The following WWC1 variants were observed in gnomAD, a reference collection of about 807,000 sequenced individuals.
WWC1 encodes WW and C2 domain containing 1.
Under a neutral mutation model 138.4 loss-of-function variants are expected in WWC1, and 55 were observed. That is an observed-to-expected ratio of 0.40 (90% CI 0.32 to 0.50). The LOEUF (loss-of-function observed/expected upper bound fraction) is 0.50, where lower values mean the gene tolerates loss of function less well. Among genes scored for constraint, WWC1 ranks in the 20% least tolerant of loss-of-function variants. The probability of loss-of-function intolerance (pLI) is 0.72; values close to 1 mark genes in which losing one functional copy is unlikely to be tolerated. For synonymous variants in WWC1, 524 were observed against 564.9 expected (o/e 0.93, Z 1.03); for missense variants, 1,226 against 1,420.4 (o/e 0.86, Z 2.20).
intron 5 of WWC1, among the ~76,000 whole-genome samples, chr5:168,404,590 C>T (rs1346624442): frequency 6.6e-6 from 1 of 152,166 alleles, no homozygotes; most frequent in African/African-American, 2.4e-5. Context: ...CTCAGGATTC[C>T]CCATGAGGGT....
chr5:168,414,696 C>T, intron 9 of WWC1, 106 bp downstream of exon 9: 1 of 1,413,336 alleles, frequency 7.1e-7, no homozygotes, highest in Non-Finnish European at 9.3e-7. Context: ...CTGGGCTCCA[C>T]CCTGAGCACG....
intron 3 of WWC1, among the ~76,000 whole-genome samples, chr5:168,391,760 C>CATATATATATATAT (rs70976481): frequency 2.7e-5 from 3 of 110,560 alleles, no homozygotes; most frequent in Non-Finnish European, 5.4e-5. Flanking sequence ...ATTTTTAAGG[C>CATATATATATATAT]ATATATATAT....
In WWC1 at chr5:168,348,725, G is replaced by A. The variant is rs1461485283; in HGVS notation, c.120-22699G>A. Reference sequence around the variant, plus strand: ...TACAAAGAAAGAAATTATCAGCCTAGGAAAGGGCCCTAGCAGAGCCATCCT... The same window carrying A: ...TACAAAGAAAGAAATTATCAGCCTAAGAAAGGGCCCTAGCAGAGCCATCCT... On this transcript the variant is annotated intron_variant, in intron 1 of 22. Transcript: ENST00000265293. Among the ~76,000 whole-genome samples, 2 of 152,164 alleles carry A rather than the reference G, an allele frequency of 1.3e-5. 1 individual carries two copies. The highest frequency in any genetic ancestry group is 4.1e-4 in the South Asian group (2 of 4,830).
chr5:168,313,436 CA>C, intron 1 of WWC1, among the ~76,000 whole-genome samples: 1 of 152,112 alleles, frequency 6.6e-6, no homozygotes, highest in Middle Eastern at 3.4e-3. Context: ...ACTAAAAATA[CA>C]AAAATTAGCC....
At chr5:168,466,876 A>C (rs922487461) in intron 21 of WWC1, among the ~76,000 whole-genome samples, 5 of 152,096 alleles carry the variant, frequency 3.3e-5, no homozygotes, top group Admixed American at 2.6e-4. Context: ...ATGTGCCCTG[A>C]CTTAAGAAAA....
chr5:168,454,660 C>T (rs1024849355), intron 18 of WWC1, among the ~76,000 whole-genome samples: 16 of 152,184 alleles, frequency 1.1e-4, no homozygotes, highest in African/African-American at 3.9e-4. Context: ...AGCGAGGCTG[C>T]AGCTGGAGTA....
chr5:168,429,505 C>G (rs901686480), intron 13 of WWC1, among the ~76,000 whole-genome samples: 1 of 152,020 alleles, frequency 6.6e-6, no homozygotes, highest in Non-Finnish European at 1.5e-5. Context: ...ATGATCTGCC[C>G]GCCTTGGCCT....
chr5:168,390,139 C>T (rs1778368996), intron 3 of WWC1, among the ~76,000 whole-genome samples: 1 of 152,156 alleles, frequency 6.6e-6, no homozygotes, highest in South Asian at 2.1e-4. Context: ...TTCTGTGTCT[C>T]AGTTTTCTTC....
chr5:168,465,344 C>T (rs1757172091), intron 21 of WWC1, among the ~76,000 whole-genome samples: 1 of 152,050 alleles, frequency 6.6e-6, no homozygotes, highest in Admixed American at 6.6e-5. Flanking sequence ...CGATGCCTGC[C>T]CAGGAAGTCC....
At chr5:168,360,017 A>G (rs913640097) in intron 1 of WWC1, among the ~76,000 whole-genome samples, 3 of 152,120 alleles carry the variant, frequency 2.0e-5, no homozygotes, top group Non-Finnish European at 2.9e-5. Context: ...TTCCACAACC[A>G]TTTGGTTCCT....
intron 1 of WWC1, among the ~76,000 whole-genome samples, chr5:168,365,431 A>G (rs1776211097): frequency 6.6e-6 from 1 of 152,176 alleles, no homozygotes; most frequent in African/African-American, 2.4e-5. Flanking sequence ...AACACTAGGA[A>G]CATGAAAGAT....
intron 1 of WWC1, among the ~76,000 whole-genome samples, chr5:168,352,877 C>G (rs558918397): frequency 1.3e-5 from 2 of 152,162 alleles, no homozygotes; most frequent in African/African-American, 4.8e-5. Context: ...AGCCACTGCA[C>G]CCGGCCTGGA....
chr5:168,340,010 TTTC>T (rs1326068882), intron 1 of WWC1, among the ~76,000 whole-genome samples: 1 of 97,622 alleles, frequency 1.0e-5, no homozygotes, highest in Admixed American at 1.1e-4. Flanking sequence ...TCTCTCTTTC[TTTC>T]TTTTCTTTCT....
intron 5 of WWC1, among the ~76,000 whole-genome samples, chr5:168,404,485 G>T (rs970522768): frequency 1.3e-5 from 2 of 152,214 alleles, no homozygotes; most frequent in African/African-American, 2.4e-5. Flanking sequence ...TGAAGTAACC[G>T]CAGGGGGAGC....
At chr5:168,444,799 A>T (rs1341616816) in intron 17 of WWC1, among the ~76,000 whole-genome samples, 2 of 151,978 alleles carry the variant, frequency 1.3e-5, no homozygotes, top group East Asian at 3.9e-4. Flanking sequence ...TTTCCCATGA[A>T]TCACCTATGC....
chr5:168,351,067 A>G (rs1384350454), intron 1 of WWC1, among the ~76,000 whole-genome samples: 1 of 151,900 alleles, frequency 6.6e-6, no homozygotes, highest in Non-Finnish European at 1.5e-5. Flanking sequence ...GAATTACTTG[A>G]ACCTGGGAGA....
chr5:168,362,649 A>G (rs1296864278), intron 1 of WWC1, among the ~76,000 whole-genome samples: 1 of 152,234 alleles, frequency 6.6e-6, no homozygotes, highest in Non-Finnish European at 1.5e-5. Flanking sequence ...TTTGGTTCTC[A>G]GAACTGAAAT....
chr5:168,454,691 A>C (rs58840409), intron 18 of WWC1, among the ~76,000 whole-genome samples: 9,025 of 152,262 alleles, frequency 0.059, 311 homozygotes, highest in East Asian at 0.15. Context: ...GTGCCTGGAC[A>C]CGGCAGGTGC....
At chr5:168,461,917 G>T (rs370332479) in intron 20 of WWC1, among the ~76,000 whole-genome samples, 2 of 152,036 alleles carry the variant, frequency 1.3e-5, no homozygotes, top group Non-Finnish European at 2.9e-5. Flanking sequence ...TTAGCTGGGC[G>T]TGGTGGTGCA....
Sources: gnomAD v4.1 joint callset for allele counts (sites outside exome capture counted in the v4.1 genomes callset) on GRCh38, gnomAD v4.1.1 for gene constraint, MANE v1.5 for transcripts, NCBI Gene and HGNC (gene_info 2026-07-23, HGNC 2026-07-21) for gene names.